The following TENM2 variants were observed in gnomAD, a reference collection of about 807,000 sequenced individuals.
TENM2 encodes the protein teneurin-2.
A neutral mutation model predicts 245.2 loss-of-function variants in TENM2; 52 were observed. The observed-to-expected ratio is 0.21, with a 90% CI of 0.17 to 0.27. The LOEUF (loss-of-function observed/expected upper bound fraction) is 0.27, where lower values mean the gene tolerates loss of function less well. Among genes scored for constraint, TENM2 ranks in the 10% least tolerant of loss-of-function variants. The pLI is 1.00. For missense variants in TENM2, 3,046 were observed against 3,666.8 expected (o/e 0.83, Z 4.37); for synonymous variants, 1,363 against 1,438.9 (o/e 0.95, Z 1.19).
At chr5:167,317,745 C>T (rs558453412) in intron 1 of TENM2, among the ~76,000 whole-genome samples, 2 of 152,238 alleles carry the variant, frequency 1.3e-5, no homozygotes, top group East Asian at 3.9e-4. Context: ...GTGTCGGTTT[C>T]CTGTTCCTTT....
chr5:167,526,360 G>GCACACACACACACACACACACACACACA (rs72349867), intron 2 of TENM2, among the ~76,000 whole-genome samples: 1 of 144,050 alleles, frequency 6.9e-6, no homozygotes, highest in South Asian at 2.2e-4. Flanking sequence ...TTAAGAAATA[G>GCACACACACACACACACACACACACACA]CACACACACA....
chr5:167,590,052 A>T (rs1423649128), intron 2 of TENM2, among the ~76,000 whole-genome samples: 1 of 151,896 alleles, frequency 6.6e-6, no homozygotes, highest in Non-Finnish European at 1.5e-5. Context: ...TAGTTATTCT[A>T]CAGTTTTATG....
chr5:167,233,412 A>C, the TENM2 span, among the ~76,000 whole-genome samples: 1 of 152,132 alleles, frequency 6.6e-6, no homozygotes, highest in Non-Finnish European at 1.5e-5. Context: ...AACAAGTTAT[A>C]AATATATATT....
At chr5:168,224,395 A>T (rs969830374) in intron 23 of TENM2, among the ~76,000 whole-genome samples, 14 of 152,078 alleles carry the variant, frequency 9.2e-5, no homozygotes, top group Non-Finnish European at 1.9e-4. Context: ...GCTTAATGTG[A>T]TTGCACTCTC....
the TENM2 span, among the ~76,000 whole-genome samples, chr5:167,090,914 C>T: frequency 6.6e-6 from 1 of 152,182 alleles, no homozygotes; most frequent in Admixed American, 6.5e-5. Context: ...CCCAGTCACC[C>T]TCTGCAATAG....
intron 2 of TENM2, among the ~76,000 whole-genome samples, chr5:167,762,873 G>T (rs768641230): frequency 6.6e-6 from 1 of 152,184 alleles, no homozygotes; most frequent in African/African-American, 2.4e-5. Context: ...CGCTCCAAAA[G>T]CTGCTGTCTT....
the TENM2 span, among the ~76,000 whole-genome samples, chr5:167,086,939 A>G: frequency 4.1e-5 from 6 of 145,046 alleles, no homozygotes; most frequent in African/African-American, 8.4e-5. Context: ...GCACACACAC[A>G]CACACACACA....
At chr5:167,083,070 T>C in the TENM2 span, among the ~76,000 whole-genome samples, 1 of 151,768 alleles carries the variant, frequency 6.6e-6, no homozygotes, top group Non-Finnish European at 1.5e-5. Flanking sequence ...AAAAGAAAGA[T>C]TTACATAAAT....
the TENM2 span, among the ~76,000 whole-genome samples, chr5:167,095,849 C>A: frequency 6.6e-6 from 1 of 150,684 alleles, no homozygotes; most frequent in African/African-American, 2.4e-5. Flanking sequence ...CGGCTCACTG[C>A]AACCTTCGCC....
intron 2 of TENM2, among the ~76,000 whole-genome samples, chr5:167,792,014 A>C (rs1185132794): frequency 1.3e-5 from 2 of 152,124 alleles, no homozygotes; most frequent in African/African-American, 2.4e-5. Context: ...ATCAAGGTTG[A>C]AGTATTGTTT....
chr5:167,153,631 C>T, the TENM2 span, among the ~76,000 whole-genome samples: 1 of 151,516 alleles, frequency 6.6e-6, no homozygotes, highest in Admixed American at 6.6e-5. Flanking sequence ...GGTCAACTCT[C>T]TCTATATATT....
At chr5:167,437,270 A>G (rs1312625985) in intron 2 of TENM2, among the ~76,000 whole-genome samples, 1 of 152,200 alleles carries the variant, frequency 6.6e-6, no homozygotes, top group Non-Finnish European at 1.5e-5. Context: ...AAAGGAGATC[A>G]TTTTGGAGCT....
chr5:167,342,601 C>T (rs1758180438), intron 1 of TENM2, among the ~76,000 whole-genome samples: 2 of 141,514 alleles, frequency 1.4e-5, no homozygotes, highest in Non-Finnish European at 3.0e-5. Flanking sequence ...AATCTCGGCT[C>T]ACTGCAAGCT....
chr5:167,807,036 C>G (rs1031749931), intron 2 of TENM2, among the ~76,000 whole-genome samples: 1 of 144,722 alleles, frequency 6.9e-6, no homozygotes, highest in Admixed American at 7.2e-5. Flanking sequence ...TCTAGTCCCT[C>G]TAGAGGTCAA....
intron 5 of TENM2, among the ~76,000 whole-genome samples, chr5:168,015,840 G>A (rs1785606504): frequency 1.3e-5 from 2 of 152,204 alleles, no homozygotes; most frequent in African/African-American, 4.8e-5. Flanking sequence ...CATTAATGAT[G>A]CTTCAAGTTG....
At chr5:167,166,689 G>A in the TENM2 span, among the ~76,000 whole-genome samples, 2 of 152,014 alleles carry the variant, frequency 1.3e-5, no homozygotes, top group Non-Finnish European at 2.9e-5. Flanking sequence ...CATTAAAGCA[G>A]CAAGTGTAAA....
chr5:168,056,592 G>A (rs1789561661), intron 6 of TENM2, among the ~76,000 whole-genome samples: 1 of 152,088 alleles, frequency 6.6e-6, no homozygotes. Context: ...TTATAGTATA[G>A]TTACTTTTTT....
At chr5:167,525,421 C>T (rs2127587000) in intron 2 of TENM2, among the ~76,000 whole-genome samples, 1 of 152,216 alleles carries the variant, frequency 6.6e-6, no homozygotes, top group African/African-American at 2.4e-5. Flanking sequence ...ACGTACCAAC[C>T]TAAGCACTCT....
intron 2 of TENM2, among the ~76,000 whole-genome samples, chr5:167,403,626 C>T (rs1762479438): frequency 6.6e-6 from 1 of 152,120 alleles, no homozygotes; most frequent in Admixed American, 6.6e-5. Context: ...TGTCTGAGTG[C>T]TCTGCTGTTG....
Sources: allele counts gnomAD v4.1 joint callset (sites outside exome capture counted in the v4.1 genomes callset), GRCh38; gene constraint gnomAD v4.1.1; transcripts MANE v1.5; gene names NCBI Gene and HGNC (gene_info 2026-07-23, HGNC 2026-07-21).